The following KCNQ3 variants were observed in gnomAD, a reference collection of about 807,000 sequenced individuals.
KCNQ3 encodes the protein potassium voltage-gated channel subfamily KQT member 3.
A neutral mutation model predicts 92.5 loss-of-function variants in KCNQ3; 30 were observed. The observed-to-expected ratio is 0.32, with a 90% CI of 0.24 to 0.44. KCNQ3 has a LOEUF of 0.44. Among genes scored for constraint, KCNQ3 ranks in the 20% least tolerant of loss-of-function variants. The pLI is 1.00. For missense variants in KCNQ3, 913 were observed against 1,140.3 expected (o/e 0.80, Z 2.87); for synonymous variants, 450 against 468.8 (o/e 0.96, Z 0.52).
chr8:132,431,135 G>A (rs1440138015), intron 1 of KCNQ3, among the ~76,000 whole-genome samples: 1 of 152,078 alleles, frequency 6.6e-6, no homozygotes, highest in African/African-American at 2.4e-5. Flanking sequence ...CCAGCCTCCT[G>A]GAGGCCTCTT....
intron 1 of KCNQ3, among the ~76,000 whole-genome samples, chr8:132,345,628 A>G (rs1175465867): frequency 6.6e-6 from 1 of 152,212 alleles, no homozygotes; most frequent in African/African-American, 2.4e-5. Context: ...ATAATTTCCA[A>G]CTGGGGAATG....
intron 1 of KCNQ3, among the ~76,000 whole-genome samples, chr8:132,476,807 T>C (rs1221742508): frequency 1.3e-5 from 2 of 152,166 alleles, no homozygotes; most frequent in Non-Finnish European, 2.9e-5. Flanking sequence ...ATGATTGGTT[T>C]TGAAATATGA....
intron 1 of KCNQ3, among the ~76,000 whole-genome samples, chr8:132,306,543 A>G (rs927505993): frequency 6.6e-6 from 1 of 152,202 alleles, no homozygotes; most frequent in African/African-American, 2.4e-5. Flanking sequence ...CAATTCACAA[A>G]TCTGTTTCCC....
chr8:132,403,014 C>CATAAAA (rs1214559891), intron 1 of KCNQ3, among the ~76,000 whole-genome samples: 1 of 2,424 alleles, frequency 4.1e-4, no homozygotes, highest in African/African-American at 3.4e-3. Flanking sequence ...GAGGCACCAT[C>CATAAAA]ACAAAAAAAA....
chr8:132,304,470 C>T (rs557415812), intron 1 of KCNQ3, among the ~76,000 whole-genome samples: 2 of 152,268 alleles, frequency 1.3e-5, no homozygotes, highest in South Asian at 4.1e-4. Flanking sequence ...TTTCTCATGT[C>T]TGAAATGCAG....
At chr8:132,251,148 T>A (rs1393541664) in intron 1 of KCNQ3, among the ~76,000 whole-genome samples, 1 of 152,002 alleles carries the variant, frequency 6.6e-6, no homozygotes, top group Non-Finnish European at 1.5e-5. Context: ...GCATATGTGG[T>A]CCCAGCTACT....
intron 9 of KCNQ3, among the ~76,000 whole-genome samples, chr8:132,160,225 A>G (rs1825942554): frequency 6.6e-6 from 1 of 152,200 alleles, no homozygotes; most frequent in East Asian, 1.9e-4. Context: ...CCATTGTATT[A>G]GCCGAGGTCA....
At chr8:132,329,673 T>C (rs908425632) in intron 1 of KCNQ3, among the ~76,000 whole-genome samples, 6 of 152,186 alleles carry the variant, frequency 3.9e-5, no homozygotes, top group African/African-American at 1.4e-4. Flanking sequence ...TTCTGTGGCA[T>C]TGTATTACCA....
At chr8:132,230,622 C>T (rs1026218389) in intron 1 of KCNQ3, among the ~76,000 whole-genome samples, 10 of 152,198 alleles carry the variant, frequency 6.6e-5, no homozygotes, top group African/African-American at 1.9e-4. Flanking sequence ...TTATCCCAAA[C>T]CTCAATCAAC....
At chr8:132,336,746 A>G (rs577616153) in intron 1 of KCNQ3, among the ~76,000 whole-genome samples, 5 of 152,338 alleles carry the variant, frequency 3.3e-5, no homozygotes, top group African/African-American at 1.2e-4. Context: ...CCATCATCTT[A>G]TAATGCCCCA....
In KCNQ3 at chr8:132,124,263, C is replaced by G. The variant is rs1824590318; in HGVS notation, c.*4999G>C. 6.7e-6 allele frequency: 1 copy of G among 149,656 alleles called. No individual in the cohort carries two copies. The highest frequency in any genetic ancestry group is 1.5e-5 in the Non-Finnish European group (1 of 67,820). 9.3% of individuals were successfully genotyped at this position (149,656 alleles called of 1,614,324 possible). On this transcript the variant is annotated 3_prime_UTR_variant, in exon 15 of 15. Transcript: ENST00000388996. ...TAATTAGGATTGTTTCTCCACGATT[C>G]TTTTTCTGAAAAAAAATTTTTTTGG...
At chr8:132,260,569 A>G (rs759785246) in intron 1 of KCNQ3, among the ~76,000 whole-genome samples, 7 of 152,186 alleles carry the variant, frequency 4.6e-5, no homozygotes, top group Non-Finnish European at 1.0e-4. Flanking sequence ...AGTGTCTGGT[A>G]GATGGTGAAG....
intron 1 of KCNQ3, among the ~76,000 whole-genome samples, chr8:132,186,929 T>TGAGAGAGA (rs752305044): frequency 0.13 from 12,444 of 94,982 alleles, 1,184 homozygotes; most frequent in African/African-American, 0.14. Flanking sequence ...TGTGTGTGTG[T>TGAGAGAGA]GTGTGAGAGA....
chr8:132,461,226 T>C (rs569833816), intron 1 of KCNQ3, among the ~76,000 whole-genome samples: 1 of 152,304 alleles, frequency 6.6e-6, no homozygotes, highest in Non-Finnish European at 1.5e-5. Flanking sequence ...AGATTTCAAA[T>C]GAGTTGGGTA....
chr8:132,393,579 G>T (rs1820107378), intron 1 of KCNQ3, among the ~76,000 whole-genome samples: 1 of 152,098 alleles, frequency 6.6e-6, no homozygotes, highest in Non-Finnish European at 1.5e-5. Flanking sequence ...TGCATAGTAG[G>T]TGTTTAATAA....
Position 132,129,462 on chromosome 8 carries a change from A to T in KCNQ3, c.2419T>A (p.Phe807Ile). The T allele has an allele frequency of 6.2e-7, 1 of 1,614,190 alleles. No individual in the cohort carries two copies. Among genetic ancestry groups the T allele is most frequent in the Non-Finnish European group, 8.5e-7 (1 of 1,180,042 alleles). The change falls in exon 15 of 15, where the codon TTC becomes ATC. Residue 807 changes from phenylalanine (F) to isoleucine (I), a missense_variant. Phe to Ile is a conservative substitution (Grantham distance 21). Transcript: ENST00000388996. The surrounding 1 kb of genome is among the most constrained non-coding windows in gnomAD (Gnocchi z 5.9). ...HEELERSPSG[F>I]SISQDRDDYV... ...TCATCTCTGTCCTGGGAGATGCTGA[A>T]GCCACTTGGAGACCTCTCCAGCTCC...
chr8:132,384,776 A>G (rs1447729338), intron 1 of KCNQ3, among the ~76,000 whole-genome samples: 3 of 152,222 alleles, frequency 2.0e-5, no homozygotes, highest in Admixed American at 6.5e-5. Context: ...TTCAGTATCA[A>G]TTCTGCTACT....
intron 1 of KCNQ3, among the ~76,000 whole-genome samples, chr8:132,380,684 C>A (rs1035786623): frequency 2.6e-5 from 4 of 152,082 alleles, no homozygotes; most frequent in Non-Finnish European, 5.9e-5. Flanking sequence ...CCCTCCCTCC[C>A]TCCCAGGGAG....
At chr8:132,170,856 A>G (rs1490259367) in intron 7 of KCNQ3, among the ~76,000 whole-genome samples, 1 of 151,738 alleles carries the variant, frequency 6.6e-6, no homozygotes, top group Admixed American at 6.6e-5. Context: ...TACAAAAAAA[A>G]AAAAAAAAAG....
Sources: gnomAD v4.1 joint callset for allele counts (sites outside exome capture counted in the v4.1 genomes callset) on GRCh38, gnomAD v4.1.1 for gene constraint, Gnocchi (gnomAD v3.1) non-coding constraint, MANE v1.5 for transcripts, NCBI Gene and HGNC (gene_info 2026-07-23, HGNC 2026-07-21) for gene names.